HCK: variants seen among roughly 807,000 people sequenced by gnomAD.
HCK encodes the protein tyrosine-protein kinase HCK.
A neutral mutation model predicts 70.4 loss-of-function variants in HCK; 40 were observed. The ratio of observed to expected loss-of-function variants is 0.57; its 90% CI spans 0.44 to 0.74. The LOEUF (loss-of-function observed/expected upper bound fraction) is 0.74. Ranked by LOEUF, HCK falls within the 30% of genes least tolerant of loss-of-function variation. The probability of loss-of-function intolerance (pLI) is 0.00; values close to 1 mark genes in which losing one functional copy is unlikely to be tolerated. For synonymous variants in HCK, 245 were observed against 263.2 expected (o/e 0.93, Z 0.67); for missense variants, 568 against 697.2 (o/e 0.81, Z 2.09).
intron 9 of HCK, among the ~76,000 whole-genome samples, chr20:32,087,139 C>T (rs967901716): frequency 2.0e-5 from 3 of 152,084 alleles, no homozygotes; most frequent in Non-Finnish European, 4.4e-5. Context: ...GGTGGGGGTG[C>T]CACTCTCCCG....
intron 2 of HCK, chr20:32,072,570 A>AG (rs1025121055): frequency 4.2e-5 from 5 of 118,812 alleles, no homozygotes; most frequent in African/African-American, 2.1e-4. Context: ...CTTTAAAAAA[A>AG]AAAAAAAAAA....
chr20:32,094,764 G>GGGA (rs2045920160), intron 11 of HCK, among the ~76,000 whole-genome samples: 2 of 68,456 alleles, frequency 2.9e-5, no homozygotes, highest in African/African-American at 1.4e-4. Flanking sequence ...AAAGAAAGAA[G>GGGA]GAAAGAAAGA....
chr20:32,052,585 G>A (rs1045618195), intron 1 of HCK, 99 bp downstream of exon 1: 20 of 906,170 alleles, frequency 2.2e-5, no homozygotes, highest in Middle Eastern at 3.8e-4. Flanking sequence ...CTACGGGTGC[G>A]GCTGGGGGCA....
chr20:32,061,039 A>C (rs1355539181), intron 1 of HCK, among the ~76,000 whole-genome samples: 1 of 151,998 alleles, frequency 6.6e-6, no homozygotes, highest in East Asian at 1.9e-4. Flanking sequence ...GCTGGAGTGC[A>C]GTGGCGCAGT....
intron 12 of HCK, among the ~76,000 whole-genome samples, chr20:32,100,071 T>A (rs967946182): frequency 6.6e-6 from 1 of 152,088 alleles, no homozygotes; most frequent in Non-Finnish European, 1.5e-5. Flanking sequence ...GGCTATTTTT[T>A]ATTTTTTTAA....
At chr20:32,086,226 A>G (rs1278368677) in intron 8 of HCK, among the ~76,000 whole-genome samples, 2 of 152,172 alleles carry the variant, frequency 1.3e-5, no homozygotes, top group East Asian at 1.9e-4. Flanking sequence ...TCACCGTGTT[A>G]GCCAGGATGG....
Position 32,086,616 on chromosome 20 carries a change from A to G in HCK, c.836-12A>G. On this transcript the variant is annotated splice_polypyrimidine_tract_variant and intron_variant, in intron 8 of 12. Coordinates refer to ENST00000375852, the MANE Select transcript of HCK (RefSeq NM_002110.5). ...GCTCTGACCACCTTCCCTGCTCTCT[A>G]TCCCCCTCCAGCCACCTACAACAAG... is the stretch of plus-strand genomic sequence containing the variant. 1 of 1,600,598 alleles carries G rather than the reference A, an allele frequency of 6.2e-7. No individual in the cohort carries two copies. Among genetic ancestry groups the G allele is most frequent in the Non-Finnish European group, 8.5e-7 (1 of 1,173,998 alleles).
At chr20:32,061,203 TG>T (rs1204520835) in intron 1 of HCK, among the ~76,000 whole-genome samples, 1 of 152,132 alleles carries the variant, frequency 6.6e-6, no homozygotes, top group Non-Finnish European at 1.5e-5. Context: ...AGGCTGGTCT[TG>T]AACTCCTGAC....
intron 9 of HCK, among the ~76,000 whole-genome samples, chr20:32,088,324 C>T (rs906656754): frequency 1.4e-4 from 21 of 152,154 alleles, no homozygotes; most frequent in African/African-American, 5.1e-4. Context: ...AGGCATGATC[C>T]CAGCCATCCA....
At chr20:32,098,837 C>T (rs774151457) in intron 11 of HCK, among the ~76,000 whole-genome samples, 167 bp from the exon 12 acceptor site, 8 of 152,198 alleles carry the variant, frequency 5.3e-5, no homozygotes, top group Non-Finnish European at 1.2e-4. Context: ...CATCTGTCCT[C>T]AGGATGGATG....
At chr20:32,078,754 G>A (rs374166042) in intron 5 of HCK, among the ~76,000 whole-genome samples, 30 of 150,352 alleles carry the variant, frequency 2.0e-4, no homozygotes, top group Non-Finnish European at 3.2e-4. Flanking sequence ...CTGCTTGGGA[G>A]GCTGAGGCAA....
chr20:32,078,856 C>CA (rs368194350), intron 5 of HCK, among the ~76,000 whole-genome samples: 947 of 34,336 alleles, frequency 0.028, 9 homozygotes, highest in East Asian at 0.039. Flanking sequence ...GACTCAGTCT[C>CA]AAAAAAAAAA....
chr20:32,086,583 AC>A, intron 8 of HCK, 44 bp from the exon 9 acceptor site: 1 of 1,519,296 alleles, frequency 6.6e-7, no homozygotes. Context: ...GGTACGGGAG[AC>A]CAGTGGGCTC....
intron 5 of HCK, among the ~76,000 whole-genome samples, chr20:32,075,533 A>C (rs2045609504): frequency 6.6e-6 from 1 of 152,104 alleles, no homozygotes; most frequent in South Asian, 2.1e-4. Context: ...CGACAAGCAC[A>C]TGCTCATGAC....
chr20:32,094,020 G>T lies in HCK; in HGVS notation c.1246+4G>T. 6.2e-7 allele frequency: 1 copy of T among 1,610,842 alleles called. No homozygotes were observed. The highest frequency in any genetic ancestry group is 8.5e-7 in the Non-Finnish European group (1 of 1,178,800). ...AACGAGTACACGGCTCGGGAAGGTA[G>T]GGAACGCTGCCAAGCAGCCCCACGT... On this transcript the variant is annotated splice_donor_region_variant and intron_variant, in intron 11 of 12. Coordinates refer to ENST00000375852, the MANE Select transcript of HCK (RefSeq NM_002110.5).
chr20:32,067,661 G>A (rs907951479), intron 1 of HCK, among the ~76,000 whole-genome samples: 3 of 151,574 alleles, frequency 2.0e-5, no homozygotes, highest in African/African-American at 7.3e-5. Flanking sequence ...TGTGTGCCAG[G>A]AGACACTGGG....
intron 1 of HCK, among the ~76,000 whole-genome samples, chr20:32,065,625 GC>G (rs1600712269): frequency 6.6e-6 from 1 of 152,132 alleles, no homozygotes. Context: ...GAAAGAGGGT[GC>G]TTTTTCCCTA....
intron 5 of HCK, among the ~76,000 whole-genome samples, chr20:32,077,634 C>G (rs2045646022): frequency 6.6e-6 from 1 of 152,146 alleles, no homozygotes; most frequent in Non-Finnish European, 1.5e-5. Context: ...TCAAGCGATT[C>G]TCCTGCCTCA....
chr20:32,071,413 C>A (rs1295292807), intron 1 of HCK, among the ~76,000 whole-genome samples: 1 of 152,230 alleles, frequency 6.6e-6, no homozygotes, highest in Admixed American at 6.5e-5. Context: ...TTGGTACCCA[C>A]GACAATGACA....
Sources: gnomAD v4.1 joint callset for allele counts (sites outside exome capture counted in the v4.1 genomes callset) on GRCh38, gnomAD v4.1.1 for gene constraint, MANE v1.5 for transcripts, NCBI Gene and HGNC (gene_info 2026-07-23, HGNC 2026-07-21) for gene names.